Variants in SUSD4 observed in about 807,000 individuals in gnomAD.
SUSD4 encodes the protein sushi domain-containing protein 4.
In SUSD4, 41 loss-of-function variants were observed where a neutral mutation model predicts 50.5. The ratio of observed to expected loss-of-function variants is 0.81; its 90% CI spans 0.63 to 1.05. The LOEUF is 1.05. Among genes scored for constraint, SUSD4 ranks in the 50% least tolerant of loss-of-function variants. The pLI, the probability that SUSD4 is intolerant of heterozygous loss-of-function variation, is 0.00. For synonymous variants in SUSD4, 257 were observed against 257.3 expected, an observed-to-expected ratio of 1.00 and a Z score of 0.01; for missense variants, 580 against 634.7, an observed-to-expected ratio of 0.91 and a Z score of 0.93.
chr1:223,292,749 C>A lies in SUSD4; in HGVS notation c.149-98G>T, dbSNP rs1407283805. The A allele has an allele frequency of 1.4e-5, 18 of 1,266,642 alleles. 1 individual carries two copies. The highest frequency in any genetic ancestry group is 1.9e-5 in the Non-Finnish European group (17 of 912,308). The allele number at this position is 1,266,642 out of a possible 1,614,324, so 78.5% of individuals were successfully genotyped here. On this transcript the variant is annotated intron_variant, in intron 2 of 8. Transcript: ENST00000366878. ...GGCAGACCCTGCATGATGTCATACG[C>A]CTTGGACACTCCAGTTACCCCACCA...
chr1:223,341,754 G>A (rs1489758733), intron 2 of SUSD4, among the ~76,000 whole-genome samples: 1 of 152,168 alleles, frequency 6.6e-6, no homozygotes, highest in Non-Finnish European at 1.5e-5. Context: ...GACCAGTGGT[G>A]AGGGTGGGTG....
At position 223,279,419 on chromosome 1, in the gene SUSD4, A is replaced by G. The variant is rs908713085; in HGVS notation, c.362-10744T>C. ...AAAACCATGGCACAAGAACTACATG[A>G]CAAATGCACAAGCTTCAGTAGCCGA... On this transcript the variant is annotated intron_variant, in intron 3 of 8. Transcript: ENST00000366878. 2.0e-5 allele frequency among the ~76,000 whole-genome samples: 3 copies of G among 152,370 alleles called. No homozygotes were observed. In the South Asian group the frequency reaches 6.2e-4, roughly 32 times the overall value.
chr1:223,235,111 G>C, intron 5 of SUSD4: 1 of 1,590,656 alleles, frequency 6.3e-7, no homozygotes, highest in Non-Finnish European at 8.5e-7. Context: ...CTGAAAAAAA[G>C]AAGTGTAAAT....
intron 3 of SUSD4, among the ~76,000 whole-genome samples, chr1:223,287,715 G>A (rs768295328): frequency 1.3e-4 from 20 of 151,944 alleles, no homozygotes; most frequent in Non-Finnish European, 2.6e-4. Flanking sequence ...CACTTAATAT[G>A]GATTTACCTG....
chr1:223,257,347 A>AT (rs1428564795), intron 5 of SUSD4, among the ~76,000 whole-genome samples: 1 of 152,068 alleles, frequency 6.6e-6, no homozygotes, highest in Non-Finnish European at 1.5e-5. Flanking sequence ...CTACAAAAAC[A>AT]TTTTTACAAT....
chr1:223,279,526 T>C (rs1446160249), intron 3 of SUSD4, among the ~76,000 whole-genome samples: 1 of 151,644 alleles, frequency 6.6e-6, no homozygotes, highest in African/African-American at 2.4e-5. Context: ...TAGAAAAAGT[T>C]AGAAGTTAGA....
chr1:223,356,071 T>C (rs942932640), intron 2 of SUSD4, among the ~76,000 whole-genome samples: 6 of 152,226 alleles, frequency 3.9e-5, no homozygotes, highest in African/African-American at 1.4e-4. Flanking sequence ...TTTGTTTGAC[T>C]TCTCTGATGT....
At chr1:223,328,095 A>T (rs1473124595) in intron 2 of SUSD4, among the ~76,000 whole-genome samples, 1 of 139,498 alleles carries the variant, frequency 7.2e-6, no homozygotes, top group Non-Finnish European at 1.6e-5. Context: ...AGTGTTCTCT[A>T]AAAAAAAAAA....
intron 2 of SUSD4, among the ~76,000 whole-genome samples, chr1:223,335,636 C>T (rs1667413811): frequency 6.6e-6 from 1 of 152,054 alleles, no homozygotes; most frequent in Admixed American, 6.6e-5. Flanking sequence ...TCATTAATAC[C>T]CTCAGAGACA....
chr1:223,239,180 A>G (rs984071853), intron 5 of SUSD4, among the ~76,000 whole-genome samples: 1 of 152,062 alleles, frequency 6.6e-6, no homozygotes, highest in Non-Finnish European at 1.5e-5. Flanking sequence ...TACTGTTAGC[A>G]GGGTACATTT....
At chr1:223,222,421 A>G (rs1196995765) in intron 8 of SUSD4, among the ~76,000 whole-genome samples, 1 of 152,246 alleles carries the variant, frequency 6.6e-6, no homozygotes, top group Non-Finnish European at 1.5e-5. Flanking sequence ...TTGCCAGGAA[A>G]CAATTATGAT....
chr1:223,247,425 T>A (rs899763380), intron 5 of SUSD4, among the ~76,000 whole-genome samples: 6 of 152,136 alleles, frequency 3.9e-5, no homozygotes, highest in African/African-American at 1.4e-4. Flanking sequence ...AATGACTGGG[T>A]GGAGAAGAGG....
intron 2 of SUSD4, among the ~76,000 whole-genome samples, chr1:223,346,591 T>A (rs1247340890): frequency 1.3e-5 from 2 of 152,116 alleles, no homozygotes; most frequent in East Asian, 3.9e-4. Flanking sequence ...TGGCTTGAAT[T>A]TGGGACCCAG....
chr1:223,255,483 T>A (rs1245837835), intron 5 of SUSD4, among the ~76,000 whole-genome samples: 1 of 152,168 alleles, frequency 6.6e-6, no homozygotes, highest in Non-Finnish European at 1.5e-5. Context: ...AGCAAACTCT[T>A]CCTTCAAATA....
At chr1:223,268,448 A>G (rs752275331) in intron 4 of SUSD4, 54 bp downstream of exon 4, 21 of 1,568,038 alleles carry the variant, frequency 1.3e-5, no homozygotes, top group Admixed American at 3.7e-5. Context: ...ACAGTCTACA[A>G]TAAAGTCCGA....
At chr1:223,285,140 T>C (rs770619657) in intron 3 of SUSD4, among the ~76,000 whole-genome samples, 46 of 152,302 alleles carry the variant, frequency 3.0e-4, no homozygotes, top group East Asian at 1.5e-3. Context: ...TATAATTATA[T>C]GCCAATTTAA....
chr1:223,282,490 T>A (rs1232122688), intron 3 of SUSD4, among the ~76,000 whole-genome samples: 1 of 152,130 alleles, frequency 6.6e-6, no homozygotes, highest in Non-Finnish European at 1.5e-5. Context: ...CCATTCACAA[T>A]TGCTTCAAAA....
At chr1:223,333,151 G>C (rs562529209) in intron 2 of SUSD4, among the ~76,000 whole-genome samples, 1 of 151,688 alleles carries the variant, frequency 6.6e-6, no homozygotes. Context: ...TTACGGTGAC[G>C]GCAAAATGGT....
intron 4 of SUSD4, among the ~76,000 whole-genome samples, chr1:223,265,108 G>A (rs184213847): frequency 6.6e-5 from 10 of 152,320 alleles, no homozygotes; most frequent in African/African-American, 1.7e-4. Flanking sequence ...CTCAGGCCAC[G>A]TGTTCTGGCT....
Sources: allele counts gnomAD v4.1 joint callset (sites outside exome capture counted in the v4.1 genomes callset), GRCh38; gene constraint gnomAD v4.1.1; transcripts MANE v1.5; gene names NCBI Gene and HGNC (gene_info 2026-07-23, HGNC 2026-07-21).